NUGGC: variants seen among roughly 807,000 people sequenced by gnomAD.
NUGGC encodes nuclear GTPase SLIP-GC.
A neutral mutation model predicts 92.6 loss-of-function variants in NUGGC; 58 were observed. That is an observed-to-expected ratio of 0.63 (90% CI 0.51 to 0.78). The LOEUF (loss-of-function observed/expected upper bound fraction) is 0.78. Ranked by LOEUF, NUGGC falls within the 30% of genes least tolerant of loss-of-function variation. The pLI is 0.00. For synonymous variants in NUGGC, 376 were observed against 366.4 expected (o/e 1.03, Z -0.30); for missense variants, 925 against 964.6 (o/e 0.96, Z 0.54).
chr8:28,036,650 G>A (rs984181339), intron 13 of NUGGC, among the ~76,000 whole-genome samples: 29 of 152,102 alleles, frequency 1.9e-4, no homozygotes, highest in African/African-American at 6.8e-4. Context: ...TCTTGGATGC[G>A]AATCTTCCCC....
chr8:28,024,303 C>T (rs1156852130), intron 18 of NUGGC, among the ~76,000 whole-genome samples: 2 of 151,764 alleles, frequency 1.3e-5, no homozygotes, highest in Non-Finnish European at 1.5e-5. Context: ...CCTCGGCCTC[C>T]CAAAGTGTTG....
intron 2 of NUGGC, among the ~76,000 whole-genome samples, chr8:28,074,079 G>T (rs920331120): frequency 6.6e-6 from 1 of 151,270 alleles, no homozygotes; most frequent in Admixed American, 6.6e-5. Context: ...GATTACAGGT[G>T]TGAGCCACCA....
intron 13 of NUGGC, among the ~76,000 whole-genome samples, chr8:28,037,184 G>A (rs574744865): frequency 2.6e-5 from 4 of 152,276 alleles, no homozygotes; most frequent in African/African-American, 7.2e-5. Context: ...GGCTCTCTGC[G>A]TCCAGTTTTT....
At chr8:28,042,053 T>C (rs542491035) in intron 12 of NUGGC, among the ~76,000 whole-genome samples, 1 of 151,878 alleles carries the variant, frequency 6.6e-6, no homozygotes, top group East Asian at 1.9e-4. Flanking sequence ...GATCTGATGG[T>C]TTTATAAGGA....
chr8:28,045,467 G>T lies in NUGGC; in HGVS notation c.1446+60C>A, dbSNP rs902709524. Reference sequence around the variant, plus strand: ...TATCATAAGTTAATTTTCTAACTTGGTAAAAGGAAATGTCCTGCCCAGGAA... The same window carrying T: ...TATCATAAGTTAATTTTCTAACTTGTTAAAAGGAAATGTCCTGCCCAGGAA... On this transcript the variant is annotated intron_variant, in intron 12 of 18. Coordinates refer to ENST00000413272, the MANE Select transcript of NUGGC (RefSeq NM_001010906.2). 34 of 1,508,368 alleles carry T rather than the reference G, an allele frequency of 2.3e-5. No homozygotes were observed. The African/African-American group carries it at 3.4e-4, about 15-fold the overall frequency. The allele number at this position is 1,508,368 out of a possible 1,614,324, so 93.4% of individuals were successfully genotyped here.
In NUGGC at chr8:28,069,655, G is replaced by A; in HGVS notation, c.149-3C>T. The A allele has an allele frequency of 6.4e-7, 1 of 1,554,104 alleles. No homozygotes were observed. Among genetic ancestry groups the A allele is most frequent in the Non-Finnish European group, 8.9e-7 (1 of 1,125,576 alleles). On this transcript the variant is annotated splice_polypyrimidine_tract_variant and splice_region_variant and intron_variant, in intron 3 of 18. Coordinates refer to ENST00000413272, the MANE Select transcript of NUGGC (RefSeq NM_001010906.2). The stretch of plus-strand genomic sequence containing the variant: ...GGTCCGTGATTCCAATTTTTCATCT[G>A]GAATTAACAGAGAGATGTCACCTGC...
At chr8:28,069,350 A>G (rs908027600) in intron 4 of NUGGC, among the ~76,000 whole-genome samples, 194 bp downstream of exon 4, 4 of 152,230 alleles carry the variant, frequency 2.6e-5, no homozygotes, top group African/African-American at 7.2e-5. Context: ...TATTTGACAT[A>G]TATAAAGCAC....
intron 3 of NUGGC, 41 bp downstream of exon 3, chr8:28,070,210 CA>C: frequency 6.6e-7 from 1 of 1,510,332 alleles, no homozygotes; most frequent in Non-Finnish European, 8.9e-7. Context: ...ATACTTGGAA[CA>C]GAACCGAACC....
At chr8:28,040,441 G>A (rs60333280) in intron 13 of NUGGC, among the ~76,000 whole-genome samples, 5,971 of 152,136 alleles carry the variant, frequency 0.039, 396 homozygotes, top group African/African-American at 0.14. Flanking sequence ...TTAAAAAATG[G>A]GTCTAGGGCT....
rs79359289 is a variant in NUGGC, at chr8:28,029,939, T to C, written c.2017+371A>G. Among the ~76,000 whole-genome samples, 504 of 152,152 alleles carry C rather than the reference T, an allele frequency of 3.3e-3. 2 individuals are homozygous for C. Among genetic ancestry groups the C allele is most frequent in the African/African-American group, 0.011 (471 of 41,506 alleles). ...AACTTGCAAAATCACTCCCTACCCC[T>C]CAAACGACAGAGCCACCAAAACAGG... is the stretch of plus-strand genomic sequence containing the variant. On this transcript the variant is annotated intron_variant, in intron 16 of 18. Coordinates refer to ENST00000413272, the MANE Select transcript of NUGGC (RefSeq NM_001010906.2).
At chr8:28,062,602 G>C (rs915795954) in intron 7 of NUGGC, among the ~76,000 whole-genome samples, 10 of 152,196 alleles carry the variant, frequency 6.6e-5, no homozygotes, top group African/African-American at 2.4e-4. Context: ...AGGCAACAGA[G>C]CAAGATGCTG....
Position 28,064,723 on chromosome 8 carries a change from C to T in NUGGC, c.720G>A (p.Glu240=). 1 of 1,613,886 alleles carries T rather than the reference C, an allele frequency of 6.2e-7. No individual in the cohort carries two copies. Among genetic ancestry groups the T allele is most frequent in the Non-Finnish European group, 8.5e-7 (1 of 1,179,826 alleles). The part of the protein sequence containing the change: ...VITLKAEEAE[E]LSIKLDPYIR... The stretch of plus-strand genomic sequence containing the variant: ...TGTAGGGGTCCAGCTTGATGGACAG[C>T]TCTTCTGCCTGAAGAAGGAGGACAG... Residue 240 remains glutamate, a synonymous_variant, in exon 7 of 19, where the codon GAG becomes GAA. Transcript: ENST00000413272.
chr8:28,047,401 GA>G, intron 11 of NUGGC, 105 bp downstream of exon 11: 4 of 673,414 alleles, frequency 5.9e-6, no homozygotes, highest in Non-Finnish European at 5.1e-6. Context: ...TGGCAAGCTG[GA>G]AAAAAATTGT....
intron 18 of NUGGC, among the ~76,000 whole-genome samples, chr8:28,024,246 C>T (rs574074272): frequency 6.3e-4 from 92 of 146,668 alleles, no homozygotes; most frequent in African/African-American, 2.2e-3. Flanking sequence ...GGTTTCACCA[C>T]GTTGGCCAGG....
chr8:28,065,113 A>T (rs1810405338), intron 6 of NUGGC, among the ~76,000 whole-genome samples: 1 of 151,778 alleles, frequency 6.6e-6, no homozygotes, highest in Non-Finnish European at 1.5e-5. Context: ...TGATATGGTA[A>T]CCATATTTTC....
intron 14 of NUGGC, 40 bp downstream of exon 14, chr8:28,033,500 G>C (rs370807695): frequency 6.3e-7 from 1 of 1,587,312 alleles, no homozygotes. Context: ...ACATTCTTCC[G>C]ATGTTTGTTC....
intron 1 of NUGGC, among the ~76,000 whole-genome samples, chr8:28,081,058 C>G (rs1451242070): frequency 2.6e-5 from 4 of 152,168 alleles, no homozygotes. Context: ...GTGGCTCATG[C>G]CTGTAATTCT....
chr8:28,064,788 C>G (rs751059494), intron 6 of NUGGC, 57 bp from the exon 7 acceptor site: 1 of 1,476,312 alleles, frequency 6.8e-7, no homozygotes, highest in Admixed American at 1.7e-5. Flanking sequence ...CTGTTCACCC[C>G]GGTTGGCTGT....
rs1008532565 is a variant in NUGGC, at chr8:28,029,421, A to G, written c.2018-19T>C. The G allele has an allele frequency of 1.2e-6, 2 of 1,610,762 alleles. No homozygotes were observed. Among genetic ancestry groups the G allele is most frequent in the Non-Finnish European group, 1.7e-6 (2 of 1,178,502 alleles). On this transcript the variant is annotated intron_variant, in intron 16 of 18. Transcript: ENST00000413272. ...GCTGCCTCTGGCAAAAATGATAGCC[A>G]CAGTCACACCAAGACAAGGACCTGC...
Sources: allele counts gnomAD v4.1 joint callset (sites outside exome capture counted in the v4.1 genomes callset), GRCh38; gene constraint gnomAD v4.1.1; transcripts MANE v1.5; gene names NCBI Gene and HGNC (gene_info 2026-07-23, HGNC 2026-07-21).